MPP7: variants seen among roughly 807,000 people sequenced by gnomAD.
MPP7 encodes MAGUK p55 scaffold protein 7.
MPP7 carries 60 observed loss-of-function variants against 76.5 expected under a neutral mutation model. The observed-to-expected ratio is 0.78, with a 90% CI of 0.64 to 0.97. The LOEUF is 0.97. Ranked by LOEUF, MPP7 falls within the 50% of genes least tolerant of loss-of-function variation. The pLI, the probability that MPP7 is intolerant of heterozygous loss-of-function variation, is 0.00. For missense variants in MPP7, 641 were observed against 694.0 expected (o/e 0.92, Z 0.86); for synonymous variants, 237 against 244.5 (o/e 0.97, Z 0.29).
upstream of MPP7, among the ~76,000 whole-genome samples, chr10:28,303,937 AAG>A (rs552693209): frequency 3.8e-4 from 58 of 152,340 alleles, no homozygotes; most frequent in African/African-American, 1.2e-3. Flanking sequence ...GAATTACAGG[AAG>A]ACTCTTATAG....
At chr10:28,103,431 A>T (rs1193869103) in intron 11 of MPP7, among the ~76,000 whole-genome samples, 1 of 152,096 alleles carries the variant, frequency 6.6e-6, no homozygotes, top group Non-Finnish European at 1.5e-5. Context: ...ACATGCTTGT[A>T]CCACTGCTTG....
At chr10:28,172,236 T>C (rs550689785) in intron 3 of MPP7, among the ~76,000 whole-genome samples, 17 of 152,330 alleles carry the variant, frequency 1.1e-4, no homozygotes, top group Admixed American at 3.3e-4. Context: ...CTCAACATAC[T>C]ACAGATTTTT....
intron 11 of MPP7, chr10:28,118,425 C>T: frequency 1.0e-6 from 1 of 983,878 alleles, no homozygotes; most frequent in Non-Finnish European, 1.2e-6. Flanking sequence ...ACATTTATTT[C>T]ATCTTTAAGT....
At chr10:28,253,312 G>A (rs1839676257) in intron 1 of MPP7, among the ~76,000 whole-genome samples, 1 of 152,112 alleles carries the variant, frequency 6.6e-6, no homozygotes, top group African/African-American at 2.4e-5. Flanking sequence ...GGCCAAATAT[G>A]AGCTGGGGAG....
At chr10:28,286,599 C>G (rs1175294275) in intron 1 of MPP7, among the ~76,000 whole-genome samples, 1 of 152,106 alleles carries the variant, frequency 6.6e-6, no homozygotes, top group Non-Finnish European at 1.5e-5. Context: ...CTCCAAGACA[C>G]CCTGGGGGTC....
intron 12 of MPP7, among the ~76,000 whole-genome samples, chr10:28,070,814 C>G (rs1852209823): frequency 6.6e-6 from 1 of 152,090 alleles, no homozygotes; most frequent in South Asian, 2.1e-4. Context: ...AGTCCGGGAC[C>G]AGAAAAACAA....
At chr10:28,225,957 G>T (rs989842262) in intron 2 of MPP7, among the ~76,000 whole-genome samples, 1 of 152,076 alleles carries the variant, frequency 6.6e-6, no homozygotes, top group Non-Finnish European at 1.5e-5. Context: ...GCAGCATTAC[G>T]CACAATAGCT....
intron 3 of MPP7, among the ~76,000 whole-genome samples, chr10:28,185,226 T>C (rs1837196689): frequency 6.7e-6 from 1 of 149,258 alleles, no homozygotes; most frequent in Non-Finnish European, 1.5e-5. Flanking sequence ...TAGTATAATA[T>C]GATATATTAA....
chr10:28,203,145 G>C (rs1837836277), intron 2 of MPP7: 1 of 152,152 alleles, frequency 6.6e-6, no homozygotes, highest in Non-Finnish European at 1.5e-5. Context: ...ATTACATGAG[G>C]TAAAAAGGAC....
chr10:28,265,362 C>T (rs967913161), intron 1 of MPP7, among the ~76,000 whole-genome samples: 3 of 152,120 alleles, frequency 2.0e-5, no homozygotes, highest in Non-Finnish European at 2.9e-5. Flanking sequence ...AGTTCGAGAC[C>T]AGCCTGGGGA....
chr10:28,202,784 C>G (rs891104550), intron 2 of MPP7: 1 of 150,382 alleles, frequency 6.6e-6, no homozygotes, highest in Non-Finnish European at 1.5e-5. Flanking sequence ...CTACAAAGTA[C>G]GGGAAAAGAA....
chr10:28,123,077 T>C (rs1834895778), intron 8 of MPP7, among the ~76,000 whole-genome samples: 1 of 152,186 alleles, frequency 6.6e-6, no homozygotes, highest in Non-Finnish European at 1.5e-5. Flanking sequence ...CTATGAAATG[T>C]TCCACTGTTT....
At chr10:28,284,066 A>G (rs1439317974) in intron 1 of MPP7, among the ~76,000 whole-genome samples, 2 of 152,184 alleles carry the variant, frequency 1.3e-5, no homozygotes, top group African/African-American at 4.8e-5. Flanking sequence ...AAACAACTGA[A>G]ATCATTTATT....
rs578191058 is a variant in MPP7, at chr10:28,069,847, C to T, written c.1129G>A (p.Val377Met). 4.0e-5 allele frequency: 64 copies of T among 1,613,478 alleles called. No individual in the cohort carries two copies. In the Admixed American group the frequency reaches 4.3e-4, roughly 11 times the overall value. The change falls in exon 13 of 17, where the codon GTG (valine) becomes ATG (methionine). Residue 377 changes from valine to methionine, a missense_variant. Coordinates refer to ENST00000683449, the MANE Select transcript of MPP7 (RefSeq NM_001318170.2). ...KYRLVVLVGP[V>M]GVGLNELKRK... ...TTCAGTTCATTCAGCCCTACTCCCA[C>T]GGGACCTGAAAAACAGGGTAACAGA...
At chr10:28,163,106 G>A (rs1161408096) in intron 3 of MPP7, among the ~76,000 whole-genome samples, 1 of 152,142 alleles carries the variant, frequency 6.6e-6, no homozygotes, top group Non-Finnish European at 1.5e-5. Context: ...GGGTAGTGAA[G>A]GGGTGGAGGA....
intron 11 of MPP7, among the ~76,000 whole-genome samples, chr10:28,109,848 CAAAAAA>C (rs869206744): frequency 1.1e-3 from 22 of 19,222 alleles, no homozygotes; most frequent in East Asian, 8.7e-3. Context: ...GCCGCAGACG[CAAAAAA>C]AAAAAAAAAA....
In MPP7 at chr10:28,147,531, G is replaced by A; in HGVS notation, c.267C>T (p.Asn89=). Reference sequence around the variant, plus strand: ...GTTTCAACAGCTCTCTGATCTCACTGTTTAATGGCTTGTTCTGAAGCTCTT... The same window carrying A: ...GTTTCAACAGCTCTCTGATCTCACTATTTAATGGCTTGTTCTGAAGCTCTT... ...LAEELQNKPL[N]SEIRELLKLL... Residue 89 remains asparagine (N), a synonymous_variant, in exon 5 of 17, where the codon AAC becomes AAT. Transcript: ENST00000683449. The A allele has an allele frequency of 6.2e-7, 1 of 1,614,052 alleles. No individual in the cohort carries two copies. The highest frequency in any genetic ancestry group is 8.5e-7 in the Non-Finnish European group (1 of 1,179,950).
intron 2 of MPP7, among the ~76,000 whole-genome samples, chr10:28,207,769 G>A (rs2134006860): frequency 6.6e-6 from 1 of 152,188 alleles, no homozygotes; most frequent in East Asian, 1.9e-4. Context: ...GCTAGGATCT[G>A]AAAAAGGAAA....
chr10:28,208,824 T>C (rs1838033017), intron 2 of MPP7, among the ~76,000 whole-genome samples: 1 of 152,198 alleles, frequency 6.6e-6, no homozygotes, highest in South Asian at 2.1e-4. Context: ...TGTATGTACA[T>C]ATGAGGCTGA....
Sources: gnomAD v4.1 joint callset for allele counts (sites outside exome capture counted in the v4.1 genomes callset) on GRCh38, gnomAD v4.1.1 for gene constraint, MANE v1.5 for transcripts, NCBI Gene and HGNC (gene_info 2026-07-23, HGNC 2026-07-21) for gene names.